Variants in PRKCH observed in about 807,000 individuals in gnomAD.
PRKCH encodes the protein protein kinase C eta, also known as protein kinase C eta type.
A neutral mutation model predicts 82.5 loss-of-function variants in PRKCH; 28 were observed. The ratio of observed to expected loss-of-function variants is 0.34; its 90% confidence interval spans 0.25 to 0.47. PRKCH has a LOEUF of 0.47. Ranked by LOEUF, PRKCH falls within the 20% of genes least tolerant of loss-of-function variation. PRKCH has a pLI of 1.00. For synonymous variants in PRKCH, 322 were observed against 327.4 expected, an observed-to-expected ratio of 0.98 and a Z score of 0.18; for missense variants, 705 against 881.8, an observed-to-expected ratio of 0.80 and a Z score of 2.54.
intron 1 of PRKCH, among the ~76,000 whole-genome samples, chr14:61,388,838 G>A (rs2046629794): frequency 6.6e-6 from 1 of 152,188 alleles, no homozygotes. Context: ...GATTTGAACA[G>A]GGAGGTGATT....
chr14:61,323,178 C>G (rs1035739615), intron 1 of PRKCH, among the ~76,000 whole-genome samples: 1 of 152,114 alleles, frequency 6.6e-6, no homozygotes, highest in Non-Finnish European at 1.5e-5. Context: ...TAACTGTCTT[C>G]CCTCCCCCCA....
At chr14:61,282,024 T>G (rs1207206856) in intron 1 of PRKCH, among the ~76,000 whole-genome samples, 2 of 55,236 alleles carry the variant, frequency 3.6e-5, no homozygotes, top group Non-Finnish European at 1.1e-4. Flanking sequence ...TCAGAGCCTT[T>G]AAATAACTCT....
chr14:61,210,813 T>C (rs55816542), intron 1 of PRKCH, among the ~76,000 whole-genome samples: 16,082 of 151,166 alleles, frequency 0.11, 1,539 homozygotes, highest in African/African-American at 0.26. Context: ...TGTGTGTGTG[T>C]GCGTGCACGC....
intron 1 of PRKCH, chr14:61,322,841 G>T: frequency 4.8e-6 from 1 of 206,342 alleles, no homozygotes; most frequent in South Asian, 1.1e-4. Context: ...ACTTGATTTG[G>T]GTAAAGTGCT....
At chr14:61,196,018 T>C (rs2044439698) in intron 1 of PRKCH, among the ~76,000 whole-genome samples, 1 of 152,138 alleles carries the variant, frequency 6.6e-6, no homozygotes, top group African/African-American at 2.4e-5. Flanking sequence ...TGTGCTGAAG[T>C]AGAAGAGGCA....
chr14:61,496,844 G>A (rs919934351), intron 10 of PRKCH, among the ~76,000 whole-genome samples: 1 of 152,096 alleles, frequency 6.6e-6, no homozygotes, highest in African/African-American at 2.4e-5. Context: ...CATCTACTAC[G>A]AGCCAGGCTC....
intron 1 of PRKCH, among the ~76,000 whole-genome samples, chr14:61,198,158 ATGTATTTAAG>A (rs71449551): frequency 0.32 from 48,112 of 151,750 alleles, 7,904 homozygotes; most frequent in Admixed American, 0.41. Context: ...CCGAGACTTC[ATGTATTTAAG>A]TGTATTTAAG....
chr14:61,318,152 C>T (rs180974022), upstream of PRKCH, among the ~76,000 whole-genome samples: 5 of 151,972 alleles, frequency 3.3e-5, no homozygotes, highest in Non-Finnish European at 7.4e-5. Context: ...TAGGTCACTA[C>T]AGTCTCAACC....
intron 10 of PRKCH, chr14:61,525,651 T>C (rs2042956082): frequency 1.3e-5 from 2 of 152,226 alleles, no homozygotes. Context: ...CCTGGGACAT[T>C]AGTCACAAGC....
chr14:61,422,683 G>C (rs779757096), intron 2 of PRKCH, among the ~76,000 whole-genome samples: 1 of 152,202 alleles, frequency 6.6e-6, no homozygotes, highest in Non-Finnish European at 1.5e-5. Context: ...TAACCGTCTA[G>C]TTGTGTGTCC....
At chr14:61,459,693 C>T (rs560826265) in intron 9 of PRKCH, among the ~76,000 whole-genome samples, 39 of 152,152 alleles carry the variant, frequency 2.6e-4, no homozygotes, top group African/African-American at 4.1e-4. Context: ...ATCCTTTCTC[C>T]GAAAGAAACA....
intron 1 of PRKCH, among the ~76,000 whole-genome samples, chr14:61,364,916 G>C (rs2046277919): frequency 6.6e-6 from 1 of 151,900 alleles, no homozygotes; most frequent in Non-Finnish European, 1.5e-5. Flanking sequence ...GAAGGAAGCA[G>C]TTCGTAGACC....
chr14:61,425,056 T>G (rs1883039340), intron 2 of PRKCH, among the ~76,000 whole-genome samples: 1 of 152,224 alleles, frequency 6.6e-6, no homozygotes, highest in Non-Finnish European at 1.5e-5. Flanking sequence ...TTTCAGAGGA[T>G]GTATGGAAAT....
rs150050248 is a variant in PRKCH, at chr14:61,456,049, G to A, written c.961-1127G>A. 4.3e-4 allele frequency among the ~76,000 whole-genome samples: 66 copies of A among 152,300 alleles called. 1 individual carries two copies. The highest frequency in any genetic ancestry group is 1.5e-3 in the African/African-American group (64 of 41,576). ...GCCCAAGGAATTCCATTTGCAGGAAGTTATCTTAAGAAACTGAATAATGAT... is the reference window on the plus strand; with the variant it reads ...GCCCAAGGAATTCCATTTGCAGGAAATTATCTTAAGAAACTGAATAATGAT... On this transcript the variant is annotated intron_variant, in intron 7 of 13. Coordinates refer to ENST00000332981, the MANE Select transcript of PRKCH (RefSeq NM_006255.5).
chr14:61,528,959 C>T lies in PRKCH; in HGVS notation c.1434-116C>T, dbSNP rs998251393. 134 of 959,232 alleles carry T rather than the reference C, an allele frequency of 1.4e-4. 2 individuals are homozygous for T. The South Asian group carries it at 2.3e-3, about 17-fold the overall frequency. The allele number at this position is 959,232 out of a possible 1,614,324, so 59.4% of individuals were successfully genotyped here. A position where few individuals can be genotyped will look rare whatever the true frequency, so the allele number is the denominator to read the frequency against. On this transcript the variant is annotated intron_variant, in intron 10 of 13. Coordinates refer to ENST00000332981, the MANE Select transcript of PRKCH (RefSeq NM_006255.5). Reference sequence around the variant, plus strand: ...CGTGTGTACAGGAAGCTCATGCGGCCGCATGTGGCCGCACGTGTGTGTGTG... The same window carrying T: ...CGTGTGTACAGGAAGCTCATGCGGCTGCATGTGGCCGCACGTGTGTGTGTG...
intron 10 of PRKCH, among the ~76,000 whole-genome samples, chr14:61,491,126 T>G (rs766941785): frequency 1.1e-4 from 17 of 152,196 alleles, no homozygotes; most frequent in Non-Finnish European, 2.4e-4. Context: ...TGTCTTTCAT[T>G]TGAGCCTGGA....
intron 1 of PRKCH, among the ~76,000 whole-genome samples, chr14:61,301,496 T>C (rs1466501996): frequency 6.6e-6 from 1 of 152,250 alleles, no homozygotes; most frequent in Non-Finnish European, 1.5e-5. Flanking sequence ...GTTTATGTCA[T>C]AGTTTTTGGC....
chr14:61,269,042 G>A (rs1439758858), intron 1 of PRKCH, among the ~76,000 whole-genome samples: 1 of 152,040 alleles, frequency 6.6e-6, no homozygotes, highest in Non-Finnish European at 1.5e-5. Context: ...TTGGTGAAAA[G>A]AAAAAAAGTG....
intron 2 of PRKCH, among the ~76,000 whole-genome samples, chr14:61,434,929 A>G (rs948093677): frequency 3.9e-5 from 6 of 152,226 alleles, no homozygotes; most frequent in Middle Eastern, 3.2e-3. Context: ...GGGTAAATGT[A>G]AATACATTAC....
Sources: gnomAD v4.1 joint callset for allele counts (sites outside exome capture counted in the v4.1 genomes callset) on GRCh38, gnomAD v4.1.1 for gene constraint, MANE v1.5 for transcripts, NCBI Gene and HGNC (gene_info 2026-07-23, HGNC 2026-07-21) for gene names.